The following SACM1L variants were observed in gnomAD, a reference collection of about 807,000 sequenced individuals.
The protein encoded by SACM1L is phosphatidylinositol-3-phosphatase SAC1.
Under a neutral mutation model 89.5 loss-of-function variants are expected in SACM1L, and 32 were observed. The ratio of observed to expected loss-of-function variants is 0.36; its 90% CI spans 0.27 to 0.48. The LOEUF (loss-of-function observed/expected upper bound fraction) is 0.48. Among genes scored for constraint, SACM1L ranks in the 20% least tolerant of loss-of-function variants. The pLI is 0.99. For missense variants in SACM1L, 543 were observed against 708.5 expected (o/e 0.77, Z 2.65); for synonymous variants, 213 against 232.8 (o/e 0.92, Z 0.77).
At chr3:45,697,269 C>CTTTTTTTTTTTTT (rs869095037) in intron 1 of SACM1L, among the ~76,000 whole-genome samples, 11 of 92,086 alleles carry the variant, frequency 1.2e-4, no homozygotes, top group African/African-American at 3.5e-4. Flanking sequence ...TTTTCTTTTC[C>CTTTTTTTTTTTTT]TTTTTTTTTT....
chr3:45,703,371 A>C (rs1368747018), intron 1 of SACM1L, 67 bp from the exon 2 acceptor site: 12 of 1,037,866 alleles, frequency 1.2e-5, no homozygotes, highest in Admixed American at 1.7e-5. Context: ...TAATTGTCAT[A>C]ATAAGTAGTT....
intron 11 of SACM1L, among the ~76,000 whole-genome samples, chr3:45,729,364 T>C (rs1698995697): frequency 1.3e-5 from 2 of 152,124 alleles, no homozygotes; most frequent in Non-Finnish European, 2.9e-5. Context: ...GGATTACAGG[T>C]GTGAGCTACT....
intron 4 of SACM1L, among the ~76,000 whole-genome samples, chr3:45,707,538 T>C (rs1023460184): frequency 6.6e-6 from 1 of 152,136 alleles, no homozygotes; most frequent in African/African-American, 2.4e-5. Context: ...AAATTGAACA[T>C]AAATGGAGCA....
intron 1 of SACM1L, among the ~76,000 whole-genome samples, chr3:45,692,870 C>T (rs1038695863): frequency 1.3e-5 from 2 of 152,162 alleles, no homozygotes; most frequent in African/African-American, 4.8e-5. Flanking sequence ...ACTGTTTGAA[C>T]CACTCATTTT....
intron 1 of SACM1L, among the ~76,000 whole-genome samples, chr3:45,691,302 C>A (rs1018197161): frequency 6.6e-6 from 1 of 152,028 alleles, no homozygotes; most frequent in Non-Finnish European, 1.5e-5. Flanking sequence ...GCACCTTTTT[C>A]TTTACCAAGG....
At chr3:45,692,110 C>G (rs1698007781) in intron 1 of SACM1L, among the ~76,000 whole-genome samples, 1 of 152,192 alleles carries the variant, frequency 6.6e-6, no homozygotes, top group Non-Finnish European at 1.5e-5. Flanking sequence ...CCTTCTTCCT[C>G]TCTGTTCTCT....
intron 1 of SACM1L, among the ~76,000 whole-genome samples, chr3:45,698,332 T>C (rs1039367805): frequency 6.6e-6 from 1 of 152,194 alleles, no homozygotes; most frequent in African/African-American, 2.4e-5. Flanking sequence ...CCTAGAAATG[T>C]TGATTCCCTG....
chr3:45,705,663 C>T (rs1415676579), intron 3 of SACM1L, among the ~76,000 whole-genome samples: 3 of 151,952 alleles, frequency 2.0e-5, no homozygotes, highest in Admixed American at 6.6e-5. Flanking sequence ...CCACCACACT[C>T]GGCTAATTTG....
intron 18 of SACM1L, among the ~76,000 whole-genome samples, chr3:45,739,380 C>T (rs1172586290): frequency 6.6e-6 from 1 of 152,168 alleles, no homozygotes; most frequent in East Asian, 1.9e-4. Flanking sequence ...AAGCATGCTT[C>T]TTCCGATCTT....
chr3:45,739,331 G>A (rs2125707049), intron 18 of SACM1L, among the ~76,000 whole-genome samples: 1 of 152,246 alleles, frequency 6.6e-6, no homozygotes, highest in Admixed American at 6.5e-5. Context: ...CCTCATCTGG[G>A]CATCCTCCTT....
At position 45,732,183 on chromosome 3, in the gene SACM1L, G is replaced by C. The variant is rs750876166; in HGVS notation, c.1100+32G>C. The C allele has an allele frequency of 3.0e-6, 4 of 1,327,134 alleles. No individual in the cohort carries two copies. The African/African-American group carries it at 5.9e-5, about 19-fold the overall frequency. 82.2% of individuals were successfully genotyped at this position (1,327,134 alleles called of 1,614,324 possible). ...TATATTATTTCCTTAAGGAGGTAGA[G>C]GGAAGAGGTATATATATCAGTCATA... On this transcript the variant is annotated intron_variant, in intron 13 of 19. Transcript: ENST00000389061.
intron 7 of SACM1L, among the ~76,000 whole-genome samples, chr3:45,716,577 C>CT (rs1698668957): frequency 6.6e-6 from 1 of 152,074 alleles, no homozygotes; most frequent in Non-Finnish European, 1.5e-5. Context: ...CTGGTGTGGG[C>CT]TGCTCACCTA....
At chr3:45,703,246 C>A (rs1698314788) in intron 1 of SACM1L, among the ~76,000 whole-genome samples, 192 bp from the exon 2 acceptor site, 1 of 152,116 alleles carries the variant, frequency 6.6e-6, no homozygotes, top group African/African-American at 2.4e-5. Flanking sequence ...CAAATCAAAA[C>A]CTAGTCAGCA....
intron 7 of SACM1L, among the ~76,000 whole-genome samples, chr3:45,716,992 A>C (rs983123282): frequency 1.3e-5 from 2 of 152,242 alleles, no homozygotes; most frequent in African/African-American, 4.8e-5. Context: ...CTCTAAGAGC[A>C]GGCTTATCTG....
Position 45,706,870 on chromosome 3 carries a change from C to T in SACM1L, c.296C>T (p.Ser99Phe), listed in dbSNP as rs781542344. ...AAAGCAACAGATTTTGATGTCCTTT[C>T]TTATAAGAAGACAATGTTGCACTTA... ...VWKATDFDVL[S>F]YKKTMLHLTD... Residue 99 changes from serine (S) to phenylalanine (F), a missense_variant, in exon 4 of 20, where the codon TCT becomes TTT. By Grantham distance (155) the Ser-to-Phe change is radical. Coordinates refer to ENST00000389061, the MANE Select transcript of SACM1L (RefSeq NM_014016.5). The T allele has an allele frequency of 3.7e-6, 6 of 1,613,034 alleles. No homozygotes were observed. The African/African-American group carries it at 5.3e-5, about 14-fold the overall frequency.
Position 45,709,567 on chromosome 3 carries a change from A to G in SACM1L, c.403A>G (p.Thr135Ala), listed in dbSNP as rs764356830. 17 of 1,613,802 alleles carry G rather than the reference A, an allele frequency of 1.1e-5. No individual in the cohort carries two copies. The highest frequency in any genetic ancestry group is 1.6e-4 in the Middle Eastern group (1 of 6,078). ...VLNVDGFYFS[T>A]TYDLTHTLQR... ...GAATGTGGATGGATTTTACTTTTCA[A>G]CAACATATGATTTGACCCATACTTT... Residue 135 changes from threonine to alanine, a missense_variant, in exon 5 of 20, where the codon ACA becomes GCA. Physicochemically the swap from Thr to Ala is moderately conservative, Grantham distance 58. This residue lies in a region of SACM1L where 173 missense variants were observed against 180.9 expected (regional missense o/e 0.96). Coordinates refer to ENST00000389061, the MANE Select transcript of SACM1L (RefSeq NM_014016.5).
chr3:45,706,756 G>A, intron 3 of SACM1L, 24 bp from the exon 4 acceptor site: 1 of 1,565,126 alleles, frequency 6.4e-7, no homozygotes, highest in Non-Finnish European at 8.7e-7. Flanking sequence ...TTATAATTAT[G>A]TGTGTTTGGC....
chr3:45,701,394 G>T (rs1214610029), intron 1 of SACM1L, among the ~76,000 whole-genome samples: 2 of 152,108 alleles, frequency 1.3e-5, no homozygotes, highest in Admixed American at 1.3e-4. Context: ...CTGCCGCATA[G>T]CCCCTAGTGC....
chr3:45,739,936 A>T (rs557934248), intron 19 of SACM1L: 1 of 426,942 alleles, frequency 2.3e-6, no homozygotes, highest in Admixed American at 4.0e-5. Context: ...TAATTTGCCA[A>T]GGTTGAGGAC....
Sources: gnomAD v4.1 joint callset for allele counts (sites outside exome capture counted in the v4.1 genomes callset) on GRCh38, gnomAD v4.1.1 for gene constraint, gnomAD v4.1.1 regional missense constraint, MANE v1.5 for transcripts, NCBI Gene and HGNC (gene_info 2026-07-23, HGNC 2026-07-21) for gene names.